Variants in HS3ST4 observed in about 807,000 individuals in gnomAD.
HS3ST4 encodes heparan sulfate-glucosamine 3-sulfotransferase 4.
Under a neutral mutation model 29.2 loss-of-function variants are expected in HS3ST4, and 17 were observed. That is an observed-to-expected ratio of 0.58 (90% confidence interval 0.40 to 0.87). HS3ST4 has a LOEUF of 0.87. Ranked by LOEUF, HS3ST4 falls within the 40% of genes least tolerant of loss-of-function variation. HS3ST4 has a pLI of 0.00. For synonymous variants in HS3ST4, 314 were observed against 285.7 expected, an observed-to-expected ratio of 1.10 and a Z score of -1.00; for missense variants, 627 against 634.5, an observed-to-expected ratio of 0.99 and a Z score of 0.13.
At chr16:26,127,656 C>T (rs1336236595) in intron 1 of HS3ST4, among the ~76,000 whole-genome samples, 2 of 152,144 alleles carry the variant, frequency 1.3e-5, no homozygotes, top group African/African-American at 4.8e-5. Flanking sequence ...CTGCCACATA[C>T]GAGCTGTGTG....
At chr16:26,015,200 G>A (rs4262951) in intron 1 of HS3ST4, among the ~76,000 whole-genome samples, 105,027 of 152,098 alleles carry the variant, frequency 0.69, 37,747 homozygotes, top group African/African-American at 0.89. Flanking sequence ...TCAGCTGTCT[G>A]CAAATTCGGG....
intron 1 of HS3ST4, among the ~76,000 whole-genome samples, chr16:25,828,383 C>G (rs1031251266): frequency 1.4e-5 from 2 of 146,934 alleles, no homozygotes; most frequent in Non-Finnish European, 3.0e-5. Flanking sequence ...CTCTGTCATT[C>G]AGCCTGGAGT....
At chr16:25,918,622 G>T (rs1968316293) in intron 1 of HS3ST4, among the ~76,000 whole-genome samples, 1 of 152,222 alleles carries the variant, frequency 6.6e-6, no homozygotes, top group Admixed American at 6.5e-5. Flanking sequence ...CAGGAAGAGA[G>T]AAGGTGCTTC....
intron 1 of HS3ST4, among the ~76,000 whole-genome samples, chr16:25,798,136 A>C (rs1966899337): frequency 6.6e-6 from 1 of 152,166 alleles, no homozygotes; most frequent in African/African-American, 2.4e-5. Context: ...CTCACTTCCA[A>C]GGAGAAAGAT....
intron 1 of HS3ST4, among the ~76,000 whole-genome samples, chr16:25,840,201 C>G (rs1440193345): frequency 6.6e-6 from 1 of 152,130 alleles, no homozygotes; most frequent in Admixed American, 6.5e-5. Flanking sequence ...AGGTTCCTGT[C>G]GACAATTTTC....
intron 1 of HS3ST4, among the ~76,000 whole-genome samples, chr16:26,111,108 G>A (rs1210661194): frequency 6.6e-6 from 1 of 151,732 alleles, no homozygotes; most frequent in African/African-American, 2.4e-5. Context: ...TGTCCCCCAG[G>A]CTAGAATGCT....
chr16:26,100,757 A>G (rs1162946366), intron 1 of HS3ST4, among the ~76,000 whole-genome samples: 5 of 152,162 alleles, frequency 3.3e-5, no homozygotes, highest in Non-Finnish European at 7.3e-5. Flanking sequence ...TACTTGAACT[A>G]CCACCTGGCA....
chr16:25,692,725 T>G lies in HS3ST4; in HGVS notation c.308T>G (p.Leu103Arg), dbSNP rs1276223863. Residue 103 changes from leucine (L) to arginine (R), a missense_variant, in exon 1 of 2, where the codon CTG becomes CGG. Physicochemically the swap from Leu to Arg is moderately radical, Grantham distance 102. Coordinates refer to ENST00000331351, the MANE Select transcript of HS3ST4 (RefSeq NM_006040.3). ...TCGCAGCCGCCCGCGCCGCCGCCGC[T>G]GGACAACGCGAGCCACGGGGAGCCG... ...APSQPPAPPP[L>R]DNASHGEPPE... is the part of the protein sequence containing the mutation. The G allele has an allele frequency of 6.3e-6, 8 of 1,262,950 alleles. No homozygotes were observed. The highest frequency in any genetic ancestry group is 7.0e-6 in the Non-Finnish European group (7 of 1,007,168). 78.2% of individuals were successfully genotyped at this position (1,262,950 alleles called of 1,614,324 possible).
At chr16:26,060,258 C>G (rs1447272373) in intron 1 of HS3ST4, among the ~76,000 whole-genome samples, 6 of 152,154 alleles carry the variant, frequency 3.9e-5, no homozygotes, top group Non-Finnish European at 8.8e-5. Flanking sequence ...CAGGTGCAGT[C>G]ATTTGAGCTT....
intron 1 of HS3ST4, among the ~76,000 whole-genome samples, chr16:26,010,526 A>C (rs4787796): frequency 0.05 from 7,542 of 152,202 alleles, 621 homozygotes; most frequent in African/African-American, 0.16. Context: ...GTTTGTTAAG[A>C]TAGAGATTTT....
At chr16:25,776,416 T>A (rs1431000849) in intron 1 of HS3ST4, among the ~76,000 whole-genome samples, 8 of 152,194 alleles carry the variant, frequency 5.3e-5, no homozygotes, top group African/African-American at 1.9e-4. Context: ...CATTTGTCTC[T>A]TATCTACCTA....
intron 1 of HS3ST4, among the ~76,000 whole-genome samples, chr16:26,084,489 C>A (rs566362936): frequency 5.2e-4 from 79 of 152,332 alleles, no homozygotes; most frequent in Non-Finnish European, 9.8e-4. Flanking sequence ...CTCTCATTTT[C>A]TTTTCCTGTA....
chr16:25,961,403 C>T lies in HS3ST4; in HGVS notation c.735-174209C>T, dbSNP rs1022970743. Among the ~76,000 whole-genome samples the T allele has an allele frequency of 4.6e-5, 7 of 152,246 alleles. 1 individual carries two copies. The Middle Eastern group carries it at 0.01, about 222-fold the overall frequency. On this transcript the variant is annotated intron_variant, in intron 1 of 1. Transcript: ENST00000331351. ...GCAACTCATGCCTTTTATGCATTTC[C>T]AAGTCATATTCCTTCTGTCTCCACT...
At position 26,018,502 on chromosome 16, in the gene HS3ST4, A is replaced by C. The variant is rs1567294780; in HGVS notation, c.735-117110A>C. 2.0e-5 allele frequency among the ~76,000 whole-genome samples: 3 copies of C among 152,182 alleles called. No individual in the cohort carries two copies. The East Asian group carries it at 5.8e-4, about 29-fold the overall frequency. ...CTACATTCTGGGGATATCGTGATGA[A>C]CCAAAGAGACATCATGGTTGCCCTT... is the stretch of plus-strand genomic sequence containing the variant. On this transcript the variant is annotated intron_variant, in intron 1 of 1. Transcript: ENST00000331351.
intron 1 of HS3ST4, among the ~76,000 whole-genome samples, chr16:25,832,512 TTATTC>T (rs1438700130): frequency 2.6e-5 from 4 of 152,228 alleles, no homozygotes; most frequent in African/African-American, 9.6e-5. Context: ...AAAAAATAAT[TTATTC>T]TAATGTGATT....
intron 1 of HS3ST4, among the ~76,000 whole-genome samples, chr16:25,798,133 C>A (rs1249133602): frequency 5.3e-5 from 8 of 152,140 alleles, no homozygotes; most frequent in African/African-American, 1.9e-4. Flanking sequence ...TCCCTCACTT[C>A]CAAGGAGAAA....
chr16:25,742,463 A>G (rs1166592330), intron 1 of HS3ST4, among the ~76,000 whole-genome samples: 1 of 152,238 alleles, frequency 6.6e-6, no homozygotes, highest in Non-Finnish European at 1.5e-5. Context: ...CCAGGTCAGA[A>G]ACATGGGAAC....
intron 1 of HS3ST4, among the ~76,000 whole-genome samples, chr16:25,768,283 C>G (rs957207188): frequency 2.6e-5 from 4 of 152,198 alleles, no homozygotes; most frequent in African/African-American, 9.6e-5. Flanking sequence ...CATTTATTTG[C>G]TTATTTTAAA....
chr16:26,116,626 T>A lies in HS3ST4; in HGVS notation c.735-18986T>A, dbSNP rs879670990. On this transcript the variant is annotated intron_variant, in intron 1 of 1. Coordinates refer to ENST00000331351, the MANE Select transcript of HS3ST4 (RefSeq NM_006040.3). ...AGCATCTGATAATGATAGAGTGTCA[T>A]CAGAGATTGAGATATATATTCAATG... 3.2e-4 allele frequency among the ~76,000 whole-genome samples: 49 copies of A among 152,240 alleles called. 1 individual carries two copies. The highest frequency in any genetic ancestry group is 8.5e-4 in the Admixed American group (13 of 15,284).
Sources: gnomAD v4.1 joint callset for allele counts (sites outside exome capture counted in the v4.1 genomes callset) on GRCh38, gnomAD v4.1.1 for gene constraint, MANE v1.5 for transcripts, NCBI Gene and HGNC (gene_info 2026-07-23, HGNC 2026-07-21) for gene names.